SNTG1: variants seen among roughly 807,000 people sequenced by gnomAD.
SNTG1 encodes gamma-1-syntrophin.
A neutral mutation model predicts 74.7 loss-of-function variants in SNTG1; 39 were observed. The observed-to-expected ratio is 0.52, with a 90% CI of 0.40 to 0.68. The LOEUF (loss-of-function observed/expected upper bound fraction) is 0.68, where lower values mean the gene tolerates loss of function less well. Ranked by LOEUF, SNTG1 falls within the 30% of genes least tolerant of loss-of-function variation. The pLI, the probability that SNTG1 is intolerant of heterozygous loss-of-function variation, is 0.00. For synonymous variants in SNTG1, 254 were observed against 217.1 expected (o/e 1.17, Z -1.49); for missense variants, 685 against 609.5 (o/e 1.12, Z -1.30).
chr8:50,768,069 G>T (rs2095618234), intron 18 of SNTG1, among the ~76,000 whole-genome samples: 2 of 151,982 alleles, frequency 1.3e-5, no homozygotes, highest in Non-Finnish European at 2.9e-5. Context: ...GTGGAACAGT[G>T]CAGAACTTGG....
intron 16 of SNTG1, chr8:50,707,765 A>C (rs536854570): frequency 7.1e-6 from 2 of 282,126 alleles, no homozygotes; most frequent in African/African-American, 4.4e-5. Context: ...TCATGATTGG[A>C]ATATCCCACT....
chr8:50,475,222 T>TATAATAATA (rs144285770), intron 8 of SNTG1, among the ~76,000 whole-genome samples: 27 of 149,182 alleles, frequency 1.8e-4, no homozygotes, highest in African/African-American at 6.4e-4. Context: ...AAACTTAAAG[T>TATAATAATA]ATAATAATAA....
chr8:50,350,777 C>T (rs1251372032), intron 2 of SNTG1, among the ~76,000 whole-genome samples: 1 of 152,116 alleles, frequency 6.6e-6, no homozygotes, highest in Non-Finnish European at 1.5e-5. Flanking sequence ...ATGTGAAGAA[C>T]TTTTGTGTCT....
intron 18 of SNTG1, 58 bp from the exon 19 acceptor site, chr8:50,792,613 T>G: frequency 1.3e-6 from 2 of 1,501,046 alleles, no homozygotes; most frequent in Non-Finnish European, 1.8e-6. Flanking sequence ...CTAGCTATTA[T>G]AAATTTTTAA....
chr8:50,173,400 T>C (rs1276129489), intron 2 of SNTG1, among the ~76,000 whole-genome samples: 2 of 152,208 alleles, frequency 1.3e-5, no homozygotes, highest in East Asian at 1.9e-4. Flanking sequence ...CAAGGACTTG[T>C]AGTATGGCTT....
intron 3 of SNTG1, among the ~76,000 whole-genome samples, chr8:50,398,477 C>T (rs2092757333): frequency 6.6e-6 from 1 of 152,168 alleles, no homozygotes; most frequent in African/African-American, 2.4e-5. Flanking sequence ...ACATTTGTTC[C>T]TCTAATGATT....
At chr8:50,755,278 C>T (rs963204610) in intron 18 of SNTG1, among the ~76,000 whole-genome samples, 1 of 151,696 alleles carries the variant, frequency 6.6e-6, no homozygotes, top group African/African-American at 2.4e-5. Context: ...TTCCCCCCAC[C>T]CCAAGAAACC....
intron 18 of SNTG1, among the ~76,000 whole-genome samples, chr8:50,787,467 T>C (rs2095678966): frequency 1.3e-5 from 2 of 151,942 alleles, no homozygotes; most frequent in African/African-American, 4.8e-5. Flanking sequence ...GCTGAAGTTG[T>C]CATATGACCC....
chr8:49,932,112 GA>G (rs1382423387), intron 1 of SNTG1, among the ~76,000 whole-genome samples: 1 of 152,118 alleles, frequency 6.6e-6, no homozygotes, highest in Non-Finnish European at 1.5e-5. Context: ...CCCATTTCAT[GA>G]AGCTTCAAAT....
chr8:50,456,256 G>C lies in SNTG1; in HGVS notation c.363+5527G>C, dbSNP rs1028482459. Among the ~76,000 whole-genome samples, 4 of 152,026 alleles carry C rather than the reference G, an allele frequency of 2.6e-5. No homozygotes were observed. In the South Asian group the frequency reaches 8.3e-4, roughly 32 times the overall value. ...GCTGATTCTTATCAAATCTTTATTT[G>C]TCCTCTTATTTTTTGAGTGAAGTTG... On this transcript the variant is annotated intron_variant, in intron 8 of 18. Coordinates refer to ENST00000642720, the MANE Select transcript of SNTG1 (RefSeq NM_018967.5).
At chr8:50,192,764 A>T (rs1217444186) in intron 2 of SNTG1, among the ~76,000 whole-genome samples, 1 of 151,708 alleles carries the variant, frequency 6.6e-6, no homozygotes, top group Non-Finnish European at 1.5e-5. Flanking sequence ...GTTAATTTCT[A>T]CAATTTTTAT....
intron 6 of SNTG1, among the ~76,000 whole-genome samples, chr8:50,450,348 T>G (rs2093444511): frequency 6.6e-6 from 1 of 152,232 alleles, no homozygotes; most frequent in Admixed American, 6.5e-5. Flanking sequence ...ATAGTAAAAG[T>G]AAATGGAAAT....
intron 1 of SNTG1, among the ~76,000 whole-genome samples, chr8:50,085,305 C>G (rs1296531564): frequency 6.6e-6 from 1 of 152,206 alleles, no homozygotes; most frequent in Non-Finnish European, 1.5e-5. Flanking sequence ...TCTACACTCT[C>G]CTTTTTAAAT....
At chr8:50,484,714 C>T (rs868811480) in intron 8 of SNTG1, among the ~76,000 whole-genome samples, 2 of 151,550 alleles carry the variant, frequency 1.3e-5, no homozygotes, top group South Asian at 2.1e-4. Context: ...ACAAAATTAG[C>T]CACACGTGAT....
intron 18 of SNTG1, among the ~76,000 whole-genome samples, chr8:50,754,538 G>C (rs1480580246): frequency 6.6e-6 from 1 of 151,624 alleles, no homozygotes; most frequent in African/African-American, 2.4e-5. Flanking sequence ...CCCATGTTCT[G>C]ACAATATTGT....
upstream of SNTG1, among the ~76,000 whole-genome samples, chr8:49,910,637 C>A (rs985535625): frequency 6.6e-6 from 1 of 152,092 alleles, no homozygotes; most frequent in Non-Finnish European, 1.5e-5. Context: ...TCTTTATGCT[C>A]GTTGTCAGCC....
At position 49,937,044 on chromosome 8, in the gene SNTG1, G is replaced by A. The variant is rs370229325; in HGVS notation, c.-103+24813G>A. ...CTCGCCTGTAATTCCAGCTACTCAG[G>A]AGGCTGAGGCAGGAGAACCGCTTGA... On this transcript the variant is annotated intron_variant, in intron 1 of 18. Transcript: ENST00000642720. 4.9e-4 allele frequency among the ~76,000 whole-genome samples: 75 copies of A among 152,272 alleles called. No individual in the cohort carries two copies. In the South Asian group the frequency reaches 0.015, roughly 31 times the overall value.
intron 9 of SNTG1, among the ~76,000 whole-genome samples, chr8:50,529,861 A>G (rs2094251924): frequency 6.9e-6 from 1 of 145,302 alleles, no homozygotes; most frequent in Admixed American, 7.0e-5. Context: ...TATTTTAAGT[A>G]TGGTTTCTAA....
chr8:50,401,934 T>C (rs1563337464), intron 3 of SNTG1, among the ~76,000 whole-genome samples: 1 of 152,236 alleles, frequency 6.6e-6, no homozygotes, highest in Non-Finnish European at 1.5e-5. Context: ...CTCATTATTT[T>C]AAAAATGTAG....
Sources: allele counts gnomAD v4.1 joint callset (sites outside exome capture counted in the v4.1 genomes callset), GRCh38; gene constraint gnomAD v4.1.1; transcripts MANE v1.5; gene names NCBI Gene and HGNC (gene_info 2026-07-23, HGNC 2026-07-21).